IP6K2: variants seen among roughly 807,000 people sequenced by gnomAD.
IP6K2 encodes the protein ATP:1D-myo-inositol-hexakisphosphate phosphotransferase.
IP6K2 carries 9 observed loss-of-function variants against 43.3 expected under a neutral mutation model. The ratio of observed to expected loss-of-function variants is 0.21; its 90% CI spans 0.13 to 0.36. IP6K2 has a LOEUF of 0.36. Ranked by LOEUF, IP6K2 falls within the 10% of genes least tolerant of loss-of-function variation. IP6K2 has a pLI of 1.00. For missense variants in IP6K2, 332 were observed against 538.4 expected, an observed-to-expected ratio of 0.62 and a Z score of 3.79; for synonymous variants, 209 against 202.4, an observed-to-expected ratio of 1.03 and a Z score of -0.28.
intron 1 of IP6K2, among the ~76,000 whole-genome samples, chr3:48,698,611 T>C (rs531271258): frequency 1.3e-5 from 2 of 152,122 alleles, no homozygotes; most frequent in East Asian, 3.9e-4. Context: ...CTGAGGACTA[T>C]AGGCGCACGC....
chr3:48,689,950 C>A (rs923308903), intron 4 of IP6K2, among the ~76,000 whole-genome samples: 2 of 152,170 alleles, frequency 1.3e-5, no homozygotes, highest in African/African-American at 2.4e-5. Context: ...CAACAGAGGC[C>A]TAGGCTCTTC....
rs765975834 is a variant in IP6K2 at position 48,693,055 on chromosome 3, C to T, written c.327G>A (p.Lys109=). Residue 109 remains lysine (K), a synonymous_variant, in exon 3 of 6, where the codon AAG becomes AAA. Coordinates refer to ENST00000328631, the MANE Select transcript of IP6K2 (RefSeq NM_016291.4). Reference sequence around the variant, plus strand: ...TTTTGTTTGTTGTCCACCTTAGGAGCTTACTTTTTGGTTCACAGTCTGAAT... The same window carrying T: ...TTTTGTTTGTTGTCCACCTTAGGAGTTTACTTTTTGGTTCACAGTCTGAAT... ...VDNSDCEPKS[K]LLRWTTNKKH... is the part of the protein sequence containing the mutation. 6.2e-7 allele frequency: 1 copy of T among 1,614,170 alleles called. No homozygotes were observed. The highest frequency in any genetic ancestry group is 1.1e-5 in the South Asian group (1 of 91,086).
At chr3:48,697,435 C>T (rs2078505545) in intron 1 of IP6K2, among the ~76,000 whole-genome samples, 1 of 150,530 alleles carries the variant, frequency 6.6e-6, no homozygotes. Context: ...ATGCGATTCT[C>T]CTGCCACAAC....
chr3:48,695,288 T>C lies in IP6K2; in HGVS notation c.4A>G (p.Ser2Gly). The stretch of plus-strand genomic sequence containing the variant: ...ACATCCATGGCCCTGAAGGCTGGGC[T>C]CATCCTCCGGGCGCAGATGGCGGGG... M[S>G]PAFRAMDVEP... The change falls in exon 2 of 6, where the codon AGC becomes GGC. Residue 2 changes from serine (S) to glycine (G), a missense_variant. Transcript: ENST00000328631. This position sits in a 1 kb window ranked among gnomAD's most constrained non-coding sequence, Gnocchi z 4.6. 1 of 1,599,642 alleles carries C rather than the reference T, an allele frequency of 6.3e-7. No homozygotes were observed. Among genetic ancestry groups the C allele is most frequent in the Non-Finnish European group, 8.5e-7 (1 of 1,170,124 alleles).
rs140777004 is a variant in IP6K2 at position 48,704,039 on chromosome 3, C to G, written c.-130-8618G>C. Among the ~76,000 whole-genome samples the G allele has an allele frequency of 4.2e-4, 64 of 151,990 alleles. 2 individuals carry two copies. In the East Asian group the frequency reaches 0.012, roughly 28 times the overall value. ...CCCAGGAGGCAGAGGCTGCAGTGAC[C>G]GGAGATTGCGCCACTGCACTCTAGC... On this transcript the variant is annotated intron_variant, in intron 1 of 5. Transcript: ENST00000328631.
chr3:48,693,318 A>T (rs1489275866), intron 2 of IP6K2, 139 bp from the exon 3 acceptor site: 1 of 1,106,330 alleles, frequency 9.0e-7, no homozygotes. Flanking sequence ...TCATCTGCAA[A>T]CTTAACAAAT....
chr3:48,694,544 AAAG>A, intron 2 of IP6K2: 9 of 1,521,622 alleles, frequency 5.9e-6, no homozygotes, highest in Non-Finnish European at 7.9e-6. Flanking sequence ...TACATTATAA[AAAG>A]AAATAAAAAA....
Position 48,689,725 on chromosome 3 carries a change from A to G in IP6K2, c.605-12T>C, listed in dbSNP as rs1161381161. 2 of 1,611,854 alleles carry G rather than the reference A, an allele frequency of 1.2e-6. No individual in the cohort carries two copies. The highest frequency in any genetic ancestry group is 8.5e-7 in the Non-Finnish European group (1 of 1,178,210). ...CAGTAAGATAAATTCTGAGTAGTTA[A>G]GAATAATACCCCCAAAAGGAAGTGC... is the stretch of plus-strand genomic sequence containing the variant. On this transcript the variant is annotated splice_polypyrimidine_tract_variant and intron_variant, in intron 4 of 5. Coordinates refer to ENST00000328631, the MANE Select transcript of IP6K2 (RefSeq NM_016291.4).
At chr3:48,693,597 G>C in intron 2 of IP6K2, 3 of 1,162,646 alleles carry the variant, frequency 2.6e-6, no homozygotes, top group Non-Finnish European at 3.2e-6. Flanking sequence ...AGCAGAGCCT[G>C]AATACAGGGG....
At chr3:48,710,642 C>T (rs1575755543) in intron 1 of IP6K2, among the ~76,000 whole-genome samples, 1 of 152,066 alleles carries the variant, frequency 6.6e-6, no homozygotes, top group East Asian at 1.9e-4. Flanking sequence ...CGGAGTCTCA[C>T]TCTGTCGCCC....
intron 1 of IP6K2, 56 bp downstream of exon 1, chr3:48,717,101 G>GA (rs886234154): frequency 6.5e-6 from 1 of 154,832 alleles, no homozygotes; most frequent in African/African-American, 2.4e-5. Context: ...CCAGTAGCCT[G>GA]AAAAAATCTC....
At chr3:48,702,708 T>C (rs901517532) in intron 1 of IP6K2, among the ~76,000 whole-genome samples, 30 of 152,316 alleles carry the variant, frequency 2.0e-4, no homozygotes, top group Non-Finnish European at 3.2e-4. Context: ...TCAGCACTTA[T>C]CACCGTCTGA....
intron 1 of IP6K2, among the ~76,000 whole-genome samples, chr3:48,714,537 C>T (rs1230200729): frequency 1.3e-5 from 2 of 151,632 alleles, no homozygotes; most frequent in East Asian, 2.0e-4. Flanking sequence ...GGATTCCAGG[C>T]ACCTGCCACA....
intron 1 of IP6K2, among the ~76,000 whole-genome samples, chr3:48,712,445 A>AC (rs1393600549): frequency 3.3e-5 from 5 of 151,482 alleles, no homozygotes; most frequent in African/African-American, 1.2e-4. Flanking sequence ...ACAGGGTTTC[A>AC]CCGTGTTAGC....
chr3:48,689,026 CT>C (rs1417697272), intron 5 of IP6K2, among the ~76,000 whole-genome samples: 2 of 152,260 alleles, frequency 1.3e-5, no homozygotes, highest in Non-Finnish European at 2.9e-5. Context: ...GGACCAAACC[CT>C]TTTGCCTTCC....
At chr3:48,697,033 TTTTTG>T (rs917457216) in intron 1 of IP6K2, among the ~76,000 whole-genome samples, 55 of 150,900 alleles carry the variant, frequency 3.6e-4, no homozygotes, top group Non-Finnish European at 5.8e-4. Context: ...TTTTTTTTTT[TTTTTG>T]GAGATGGAGT....
Position 48,691,290 on chromosome 3 carries a change from C to T in IP6K2, c.604+17G>A, listed in dbSNP as rs1471520878. The T allele has an allele frequency of 1.9e-6, 3 of 1,598,934 alleles. No individual in the cohort carries two copies. The highest frequency in any genetic ancestry group is 2.6e-6 in the Non-Finnish European group (3 of 1,170,948). On this transcript the variant is annotated intron_variant, in intron 4 of 5. Transcript: ENST00000328631. ...CTCTTACCCTCAAATGCAGAGATGCCCGTGAACAAAGGATACTGTACTGGT... is the reference window on the plus strand; with the variant it reads ...CTCTTACCCTCAAATGCAGAGATGCTCGTGAACAAAGGATACTGTACTGGT...
chr3:48,693,224 AG>A, intron 2 of IP6K2, 45 bp from the exon 3 acceptor site: 1 of 1,483,854 alleles, frequency 6.7e-7, no homozygotes, highest in Non-Finnish European at 9.4e-7. Flanking sequence ...TTTAGCAGGA[AG>A]AAGCGTTGTA....
chr3:48,695,467 G>C lies in IP6K2; in HGVS notation c.-130-46C>G. On this transcript the variant is annotated intron_variant, in intron 1 of 5. Coordinates refer to ENST00000328631, the MANE Select transcript of IP6K2 (RefSeq NM_016291.4). This position sits in a 1 kb window ranked among gnomAD's most constrained non-coding sequence, Gnocchi z 4.6. ...GACATGGGGGTTCGAAGTAGCGTGGGAAGTGCCTTAGAGCTGCTCACCCTG... is the reference window on the plus strand; with the variant it reads ...GACATGGGGGTTCGAAGTAGCGTGGCAAGTGCCTTAGAGCTGCTCACCCTG... 2 of 1,398,302 alleles carry C rather than the reference G, an allele frequency of 1.4e-6. No homozygotes were observed. The highest frequency in any genetic ancestry group is 3.3e-5 in the South Asian group (2 of 59,904). The allele number at this position is 1,398,302 out of a possible 1,614,324, so 86.6% of individuals were successfully genotyped here.
Sources: gnomAD v4.1 joint callset for allele counts (sites outside exome capture counted in the v4.1 genomes callset) on GRCh38, gnomAD v4.1.1 for gene constraint, Gnocchi (gnomAD v3.1) non-coding constraint, MANE v1.5 for transcripts, NCBI Gene and HGNC (gene_info 2026-07-23, HGNC 2026-07-21) for gene names.